The following GABRB1 variants were observed in gnomAD, a reference collection of about 807,000 sequenced individuals.
GABRB1 encodes the protein gamma-aminobutyric acid type A receptor subunit beta1.
In GABRB1, 17 loss-of-function variants were observed where a neutral mutation model predicts 51.6. The ratio of observed to expected loss-of-function variants is 0.33; its 90% CI spans 0.23 to 0.49. The LOEUF is 0.49. GABRB1 is among the 20% of genes least tolerant of loss of function. The pLI is 0.99. For synonymous variants in GABRB1, 247 were observed against 218.9 expected (o/e 1.13, Z -1.14); for missense variants, 410 against 600.6 (o/e 0.68, Z 3.32).
At chr4:47,050,587 C>T (rs1178560570) in intron 3 of GABRB1, among the ~76,000 whole-genome samples, 1 of 152,050 alleles carries the variant, frequency 6.6e-6, no homozygotes, top group Non-Finnish European at 1.5e-5. Context: ...TTTATAAATA[C>T]CAGCTTATCA....
At chr4:47,366,779 G>A (rs1404875180) in intron 5 of GABRB1, among the ~76,000 whole-genome samples, 1 of 152,120 alleles carries the variant, frequency 6.6e-6, no homozygotes, top group African/African-American at 2.4e-5. Context: ...TTTCCATTAT[G>A]ATGAAAAGTT....
intron 3 of GABRB1, among the ~76,000 whole-genome samples, chr4:47,155,197 C>A (rs757037798): frequency 2.6e-5 from 4 of 152,028 alleles, no homozygotes; most frequent in Non-Finnish European, 4.4e-5. Context: ...CACAGAAGAA[C>A]TGCGGAAATC....
chr4:47,232,021 C>G (rs573663834), intron 4 of GABRB1, among the ~76,000 whole-genome samples: 2 of 152,206 alleles, frequency 1.3e-5, no homozygotes, highest in Admixed American at 6.5e-5. Context: ...TTTTTGTAGT[C>G]TACAAATGAA....
intron 1 of GABRB1, among the ~76,000 whole-genome samples, chr4:47,008,120 T>C (rs1724466428): frequency 6.6e-6 from 1 of 152,002 alleles, no homozygotes; most frequent in Non-Finnish European, 1.5e-5. Context: ...GGTGGCAAGA[T>C]GGACATTGTT....
Position 47,231,825 on chromosome 4 carries a change from T to TTTGGTA in GABRB1, c.461+70359_461+70364dup, listed in dbSNP as rs551256558. ...GGAAAATTACAATTACTTAAAATAT[T>TTTGGTA]TTGGTATTTTATCCATGTTCAACTC... is the stretch of plus-strand genomic sequence containing the variant. On this transcript the variant is annotated intron_variant, in intron 4 of 8. Transcript: ENST00000295454. Among the ~76,000 whole-genome samples, 424 of 152,316 alleles carry TTTGGTA rather than the reference T, an allele frequency of 2.8e-3. 1 individual carries two copies. The highest frequency in any genetic ancestry group is 5.0e-3 in the Non-Finnish European group (342 of 68,026).
At chr4:47,008,631 T>A (rs1724484252) in intron 1 of GABRB1, among the ~76,000 whole-genome samples, 1 of 115,576 alleles carries the variant, frequency 8.7e-6, no homozygotes. Flanking sequence ...CCCAGCTAAT[T>A]TTTTTTTTTT....
At chr4:47,032,129 C>CACAG (rs1725339176) in intron 2 of GABRB1, 124 bp downstream of exon 2, 1 of 408,988 alleles carries the variant, frequency 2.4e-6, no homozygotes, top group African/African-American at 3.4e-5. Flanking sequence ...ATACCCTGGG[C>CACAG]ACACACACAC....
chr4:47,127,791 T>G (rs1269362551), intron 3 of GABRB1, among the ~76,000 whole-genome samples: 1 of 151,846 alleles, frequency 6.6e-6, no homozygotes, highest in Non-Finnish European at 1.5e-5. Context: ...AGACTTAAAG[T>G]AATGCCTCCT....
chr4:47,361,805 G>C (rs1446555510), intron 5 of GABRB1, among the ~76,000 whole-genome samples: 2 of 152,116 alleles, frequency 1.3e-5, no homozygotes, highest in African/African-American at 4.8e-5. Flanking sequence ...GGTTTTGATG[G>C]GGAAATCAAA....
chr4:47,357,845 A>T (rs1726645302), intron 5 of GABRB1, among the ~76,000 whole-genome samples: 1 of 152,170 alleles, frequency 6.6e-6, no homozygotes, highest in African/African-American at 2.4e-5. Flanking sequence ...ACATCTTTTA[A>T]TCAACTCCTT....
chr4:47,379,620 A>G (rs914213486), intron 5 of GABRB1, among the ~76,000 whole-genome samples: 1 of 152,224 alleles, frequency 6.6e-6, no homozygotes, highest in Non-Finnish European at 1.5e-5. Context: ...TGTGTACTAT[A>G]CTATAGCTAA....
intron 4 of GABRB1, among the ~76,000 whole-genome samples, chr4:47,280,507 G>A (rs1723248017): frequency 6.7e-6 from 1 of 150,054 alleles, no homozygotes; most frequent in Non-Finnish European, 1.5e-5. Context: ...TATTCATGTT[G>A]TTACTTAGCA....
intron 4 of GABRB1, among the ~76,000 whole-genome samples, chr4:47,239,042 GT>G (rs2109845642): frequency 6.6e-6 from 1 of 152,088 alleles, no homozygotes; most frequent in South Asian, 2.1e-4. Flanking sequence ...TGTGTTTTTT[GT>G]TTTGTTCTTT....
intron 3 of GABRB1, among the ~76,000 whole-genome samples, chr4:47,065,686 A>T (rs1224234223): frequency 6.6e-6 from 1 of 152,224 alleles, no homozygotes; most frequent in East Asian, 1.9e-4. Flanking sequence ...CAAACACTGT[A>T]AATAACTCCT....
At chr4:47,251,937 G>A (rs1399841567) in intron 4 of GABRB1, among the ~76,000 whole-genome samples, 1 of 152,136 alleles carries the variant, frequency 6.6e-6, no homozygotes, top group Non-Finnish European at 1.5e-5. Context: ...AGGGAAAAAG[G>A]GCTTGTTTCT....
At chr4:47,131,910 T>G (rs1426248045) in intron 3 of GABRB1, among the ~76,000 whole-genome samples, 1 of 152,232 alleles carries the variant, frequency 6.6e-6, no homozygotes, top group East Asian at 1.9e-4. Flanking sequence ...TCATAGCTCC[T>G]AGAATCAGAA....
Position 47,250,283 on chromosome 4 carries a change from A to G in GABRB1, c.462-69844A>G, listed in dbSNP as rs1305782378. On this transcript the variant is annotated intron_variant, in intron 4 of 8. Coordinates refer to ENST00000295454, the MANE Select transcript of GABRB1 (RefSeq NM_000812.4). ...TGAGGAGGCTGAAGATAGACCCCCA[A>G]TCCCTTTTAGCTTGTAGGGTTTCTG... Among the ~76,000 whole-genome samples the G allele has an allele frequency of 3.3e-5, 5 of 152,168 alleles. No individual in the cohort carries two copies. The East Asian group carries it at 5.8e-4, about 18-fold the overall frequency.
chr4:47,113,255 G>A (rs963354868), intron 3 of GABRB1, among the ~76,000 whole-genome samples: 12 of 151,998 alleles, frequency 7.9e-5, no homozygotes, highest in Non-Finnish European at 1.0e-4. Context: ...GTGTGGTGTC[G>A]TGCACCTGTA....
At chr4:47,036,708 A>G (rs1577846373) in intron 3 of GABRB1, among the ~76,000 whole-genome samples, 2 of 152,238 alleles carry the variant, frequency 1.3e-5, no homozygotes, top group East Asian at 3.9e-4. Flanking sequence ...CCAAAAGTAT[A>G]CAAATTAGCT....
Sources: allele counts gnomAD v4.1 joint callset (sites outside exome capture counted in the v4.1 genomes callset), GRCh38; gene constraint gnomAD v4.1.1; transcripts MANE v1.5; gene names NCBI Gene and HGNC (gene_info 2026-07-23, HGNC 2026-07-21).